AGBL1: variants seen among roughly 807,000 people sequenced by gnomAD.
AGBL1 encodes AGBL carboxypeptidase 1.
AGBL1 carries 130 observed loss-of-function variants against 118.9 expected under a neutral mutation model. That is an observed-to-expected ratio of 1.09 (90% confidence interval 0.95 to 1.26). AGBL1 has a LOEUF of 1.26. AGBL1 is among the 50% of genes most tolerant of loss of function. The pLI is 0.00. For synonymous variants in AGBL1, 555 were observed against 478.9 expected (o/e 1.16, Z -2.08); for missense variants, 1,584 against 1,298.1 (o/e 1.22, Z -3.38).
chr15:86,981,787 A>T (rs2081234007), intron 23 of AGBL1, among the ~76,000 whole-genome samples: 1 of 152,176 alleles, frequency 6.6e-6, no homozygotes, highest in East Asian at 1.9e-4. Flanking sequence ...GCCTTGGGAC[A>T]AAACAGGAAA....
chr15:86,300,453 T>A (rs184466318), intron 17 of AGBL1, among the ~76,000 whole-genome samples: 43 of 152,272 alleles, frequency 2.8e-4, no homozygotes, highest in Admixed American at 3.9e-4. Flanking sequence ...TTTGTGGGAA[T>A]TTTCTGAGGG....
At chr15:86,112,112 A>C (rs1435501089) in intron 1 of AGBL1, among the ~76,000 whole-genome samples, 2 of 151,874 alleles carry the variant, frequency 1.3e-5, no homozygotes, top group African/African-American at 4.8e-5. Context: ...TTGTATAATT[A>C]TTTCATTATA....
intron 5 of AGBL1, among the ~76,000 whole-genome samples, chr15:86,190,581 C>T (rs2077703482): frequency 1.3e-5 from 2 of 152,118 alleles, no homozygotes; most frequent in African/African-American, 2.4e-5. Flanking sequence ...TAACCAGCTC[C>T]AGGCCCACCT....
At chr15:86,423,898 GA>G (rs1567250493) in intron 18 of AGBL1, among the ~76,000 whole-genome samples, 1 of 152,082 alleles carries the variant, frequency 6.6e-6, no homozygotes, top group Admixed American at 6.5e-5. Context: ...TAAACAAATG[GA>G]AAAACAATCC....
intron 18 of AGBL1, among the ~76,000 whole-genome samples, chr15:86,410,842 A>ATATATATATATT (rs36174307): frequency 1.3e-5 from 1 of 74,720 alleles, no homozygotes; most frequent in Non-Finnish European, 2.4e-5. Flanking sequence ...ATATATATAT[A>ATATATATATATT]ATATACTATT....
chr15:86,142,033 C>T lies in AGBL1; in HGVS notation c.81C>T (p.Thr27=), dbSNP rs765165286. The T allele has an allele frequency of 6.5e-7, 1 of 1,550,206 alleles. No homozygotes were observed. Among genetic ancestry groups the T allele is most frequent in the South Asian group, 1.2e-5 (1 of 83,944 alleles). The change falls in exon 2 of 23, where the codon ACC becomes ACT. Residue 27 remains threonine, a synonymous_variant. Coordinates refer to ENST00000614907, the MANE Select transcript of AGBL1 (RefSeq NM_001386094.1). ...CCTCTGACAAGGAGTCCATCCTGAC[C>T]ATCCTCAAGGTCCTCGGAGATCTGC... ...QSSSDKESIL[T]ILKVLGDLLS...
intron 22 of AGBL1, among the ~76,000 whole-genome samples, chr15:86,840,296 T>C (rs2079227131): frequency 6.6e-6 from 1 of 152,188 alleles, no homozygotes; most frequent in Admixed American, 6.5e-5. Context: ...TAAATCTCTC[T>C]TCAGTGGTAG....
intron 22 of AGBL1, among the ~76,000 whole-genome samples, chr15:86,698,698 C>T (rs956205305): frequency 6.6e-6 from 1 of 151,246 alleles, no homozygotes; most frequent in Admixed American, 6.6e-5. Context: ...TCCCACTATC[C>T]TACTCTGCCT....
At chr15:86,787,338 C>G (rs2078427146) in intron 22 of AGBL1, among the ~76,000 whole-genome samples, 1 of 152,028 alleles carries the variant, frequency 6.6e-6, no homozygotes, top group Non-Finnish European at 1.5e-5. Flanking sequence ...TACATTAGAT[C>G]TCTAGACTTA....
intron 22 of AGBL1, among the ~76,000 whole-genome samples, chr15:86,685,269 C>A (rs1005432301): frequency 1.3e-5 from 2 of 152,100 alleles, no homozygotes; most frequent in Admixed American, 6.6e-5. Flanking sequence ...ACAGATTTGT[C>A]CAATTCAGAC....
intron 5 of AGBL1, among the ~76,000 whole-genome samples, chr15:86,216,622 C>T (rs1308747453): frequency 2.6e-5 from 4 of 152,148 alleles, no homozygotes. Context: ...CCCATTTACT[C>T]CTGTGTGTAA....
intron 22 of AGBL1, among the ~76,000 whole-genome samples, chr15:86,814,641 C>G (rs140962366): frequency 0.012 from 1,857 of 152,230 alleles, 26 homozygotes; most frequent in Middle Eastern, 0.061. Flanking sequence ...CTGAAGTCTG[C>G]ATTATCTGGT....
downstream of AGBL1, among the ~76,000 whole-genome samples, chr15:86,920,074 G>C (rs1355046341): frequency 6.6e-6 from 1 of 152,162 alleles, no homozygotes; most frequent in Non-Finnish European, 1.5e-5. Context: ...AGAAGCACAG[G>C]GAACCTCCGT....
intron 18 of AGBL1, among the ~76,000 whole-genome samples, chr15:86,476,965 C>G (rs966976563): frequency 9.2e-5 from 14 of 152,174 alleles, no homozygotes; most frequent in African/African-American, 2.9e-4. Flanking sequence ...ACTGAACAAC[C>G]TGCTCCTGAA....
chr15:86,340,504 G>T (rs78052419), intron 17 of AGBL1, among the ~76,000 whole-genome samples: 1 of 152,068 alleles, frequency 6.6e-6, no homozygotes, highest in Admixed American at 6.5e-5. Flanking sequence ...CCAAGATTAG[G>T]GCTATGCTGT....
chr15:86,384,832 G>A (rs1008550440), intron 17 of AGBL1, among the ~76,000 whole-genome samples: 1 of 152,160 alleles, frequency 6.6e-6, no homozygotes, highest in Non-Finnish European at 1.5e-5. Flanking sequence ...AAAGAAATAC[G>A]AGTTGGTAAT....
At chr15:86,351,099 C>T (rs1165124621) in intron 17 of AGBL1, among the ~76,000 whole-genome samples, 1 of 152,104 alleles carries the variant, frequency 6.6e-6, no homozygotes, top group Non-Finnish European at 1.5e-5. Flanking sequence ...TGCTGCTAGG[C>T]TAGGTAATTT....
chr15:86,858,753 C>T (rs559210204), intron 22 of AGBL1, among the ~76,000 whole-genome samples: 1 of 152,242 alleles, frequency 6.6e-6, no homozygotes, highest in East Asian at 1.9e-4. Flanking sequence ...CATGAAGAAT[C>T]AGGAAACTTG....
At chr15:87,006,951 G>C (rs1249605794) in intron 24 of AGBL1, among the ~76,000 whole-genome samples, 1 of 152,064 alleles carries the variant, frequency 6.6e-6, no homozygotes, top group Admixed American at 6.6e-5. Flanking sequence ...AAGTAGGATG[G>C]GTTTTGCTAT....
Sources: allele counts gnomAD v4.1 joint callset (sites outside exome capture counted in the v4.1 genomes callset), GRCh38; gene constraint gnomAD v4.1.1; transcripts MANE v1.5; gene names NCBI Gene and HGNC (gene_info 2026-07-23, HGNC 2026-07-21).